The following GAS7 variants were observed in gnomAD, a reference collection of about 807,000 sequenced individuals.
GAS7 encodes growth arrest specific 7.
Under a neutral mutation model 71.1 loss-of-function variants are expected in GAS7, and 28 were observed. The observed-to-expected ratio is 0.39, with a 90% CI of 0.29 to 0.54. GAS7 has a LOEUF of 0.54. GAS7 is among the 20% of genes least tolerant of loss of function. The pLI, the probability that GAS7 is intolerant of heterozygous loss-of-function variation, is 0.62. For synonymous variants in GAS7, 258 were observed against 245.8 expected (o/e 1.05, Z -0.46); for missense variants, 436 against 627.8 (o/e 0.69, Z 3.27).
chr17:10,188,022 T>C (rs1368541895), intron 1 of GAS7, among the ~76,000 whole-genome samples: 1 of 152,132 alleles, frequency 6.6e-6, no homozygotes, highest in Non-Finnish European at 1.5e-5. Flanking sequence ...GGCAGGTGGA[T>C]CATTTGAGGT....
rs2073724995 is a variant in GAS7, at chr17:10,103,341, C to T, written c.184-83444G>A. On this transcript the variant is annotated intron_variant, in intron 1 of 13. Transcript: ENST00000432992. The surrounding 1 kb of genome is among the most constrained non-coding windows in gnomAD (Gnocchi z 5.5). ...ATCCAGTCTGGGTGATAGGTTAAGACCCTGTCTCAAACAAACCAACCAACC... is the reference window on the plus strand; with the variant it reads ...ATCCAGTCTGGGTGATAGGTTAAGATCCTGTCTCAAACAAACCAACCAACC... Among the ~76,000 whole-genome samples, 1 of 152,084 alleles carries T rather than the reference C, an allele frequency of 6.6e-6. No individual in the cohort carries two copies. Among genetic ancestry groups the T allele is most frequent in the African/African-American group, 2.4e-5 (1 of 41,414 alleles).
At chr17:10,035,734 G>A (rs2072733055) in intron 1 of GAS7, among the ~76,000 whole-genome samples, 1 of 152,168 alleles carries the variant, frequency 6.6e-6, no homozygotes, top group Non-Finnish European at 1.5e-5. Context: ...ACTTCTGGGG[G>A]TGGAAAGATT....
intron 1 of GAS7, among the ~76,000 whole-genome samples, chr17:10,054,310 T>C (rs550835399): frequency 1.3e-5 from 2 of 152,220 alleles, no homozygotes; most frequent in East Asian, 3.9e-4. Flanking sequence ...GCCTTAGCGC[T>C]GGTAACAGCA....
intron 1 of GAS7, among the ~76,000 whole-genome samples, chr17:10,107,842 T>C (rs1477263813): frequency 1.5e-5 from 2 of 137,386 alleles, no homozygotes; most frequent in African/African-American, 5.6e-5. Context: ...GGGGACTGGG[T>C]AGGAGAACCA....
rs573293239 is a variant in GAS7 at position 9,999,467 on chromosome 17, G to A, written c.305-17583C>T. Among the ~76,000 whole-genome samples, 36 of 151,976 alleles carry A rather than the reference G, an allele frequency of 2.4e-4. No homozygotes were observed. In the South Asian group the frequency reaches 7.1e-3, roughly 30 times the overall value. ...GGGGAGGCAGAGGTTGCAGTGAGCC[G>A]AGATTGTGCCACTGCACTCTACCCT... On this transcript the variant is annotated intron_variant, in intron 2 of 13. Transcript: ENST00000432992.
At chr17:9,984,750 T>C (rs1465860860) in intron 2 of GAS7, among the ~76,000 whole-genome samples, 1 of 152,192 alleles carries the variant, frequency 6.6e-6, no homozygotes, top group African/African-American at 2.4e-5. Context: ...GGTTCACCTG[T>C]ACAAAGCACT....
In GAS7 at chr17:10,114,999, G is replaced by A. The variant is rs375586933; in HGVS notation, c.183+83209C>T. Among the ~76,000 whole-genome samples, 167 of 152,312 alleles carry A rather than the reference G, an allele frequency of 1.1e-3. 5 individuals are homozygous for A. In the South Asian group the frequency reaches 0.017, roughly 16 times the overall value. Reference sequence around the variant, plus strand: ...CCAGCTGCAGACCAACAGGCTGGGGGTCATGCTCCAAGCTGTCCTCTGTCT... The same window carrying A: ...CCAGCTGCAGACCAACAGGCTGGGGATCATGCTCCAAGCTGTCCTCTGTCT... On this transcript the variant is annotated intron_variant, in intron 1 of 13. Coordinates refer to ENST00000432992, the MANE Select transcript of GAS7 (RefSeq NM_201433.2).
chr17:10,077,941 C>A (rs543272634), intron 1 of GAS7, among the ~76,000 whole-genome samples: 2 of 152,184 alleles, frequency 1.3e-5, no homozygotes, highest in South Asian at 4.2e-4. Context: ...TGAAGAGCAA[C>A]AGACCAGAAC....
intron 1 of GAS7, among the ~76,000 whole-genome samples, chr17:10,091,702 G>C (rs2073583740): frequency 6.6e-6 from 1 of 151,972 alleles, no homozygotes; most frequent in Admixed American, 6.6e-5. Context: ...TTGTTTTTGA[G>C]ACAGAGTCTA....
intron 2 of GAS7, among the ~76,000 whole-genome samples, chr17:10,011,417 A>G (rs1312543145): frequency 6.6e-6 from 1 of 152,168 alleles, no homozygotes; most frequent in Non-Finnish European, 1.5e-5. Context: ...AGGTGAGTAG[A>G]TAAAACATCT....
intron 5 of GAS7, among the ~76,000 whole-genome samples, chr17:9,955,312 A>G (rs2069186503): frequency 6.6e-6 from 1 of 152,184 alleles, no homozygotes; most frequent in African/African-American, 2.4e-5. Context: ...GGGTCCAGCT[A>G]CACCTCTGGA....
intron 8 of GAS7, among the ~76,000 whole-genome samples, chr17:9,937,703 T>A (rs1191286583): frequency 6.6e-6 from 1 of 152,206 alleles, no homozygotes; most frequent in African/African-American, 2.4e-5. Context: ...CTGAAGGATT[T>A]CAAGCCACGA....
chr17:10,058,823 GC>G (rs1216957978), intron 1 of GAS7, among the ~76,000 whole-genome samples: 1 of 152,224 alleles, frequency 6.6e-6, no homozygotes, highest in Non-Finnish European at 1.5e-5. Context: ...GGGAAATAGA[GC>G]CTCAGAAAAG....
chr17:9,913,888 C>T lies in GAS7; in HGVS notation c.*3340G>A, dbSNP rs983091089. 2 of 231,930 alleles carry T rather than the reference C, an allele frequency of 8.6e-6. No individual in the cohort carries two copies. Among genetic ancestry groups the T allele is most frequent in the African/African-American group, 2.2e-5 (1 of 45,202 alleles). The allele number at this position is 231,930 out of a possible 1,614,324, so 14.4% of individuals were successfully genotyped here. A position where few individuals can be genotyped will look rare whatever the true frequency, so the allele number is the denominator to read the frequency against. On this transcript the variant is annotated 3_prime_UTR_variant, in exon 14 of 14. Transcript: ENST00000432992. ...ACAAACAGATCTTGTGCATCAGTCT[C>T]CTGGGTGGAGGCAGGTAGAAGGGGC...
In GAS7 at chr17:10,026,084, G is replaced by A. The variant is rs962573773; in HGVS notation, c.184-6187C>T. ...CATGCTTCAAGCTCAAGTTCAACCC[G>A]GATGCCACCTCCACCTCCGGGACTC... On this transcript the variant is annotated intron_variant, in intron 1 of 13. Coordinates refer to ENST00000432992, the MANE Select transcript of GAS7 (RefSeq NM_201433.2). The surrounding 1 kb of genome is among the most constrained non-coding windows in gnomAD (Gnocchi z 4.5). 3.8e-5 allele frequency: 31 copies of A among 822,050 alleles called. No individual in the cohort carries two copies. The highest frequency in any genetic ancestry group is 5.6e-5 in the South Asian group (1 of 17,956). 50.9% of individuals were successfully genotyped at this position (822,050 alleles called of 1,614,324 possible). A position where few individuals can be genotyped will look rare whatever the true frequency, so the allele number is the denominator to read the frequency against.
Position 9,910,849 on chromosome 17 carries a change from GGAAGGATAT to G in GAS7, c.*6370_*6378del. ...TTACTGATCTAGGCAGCCAGAGGGT[GGAAGGATAT>G]ACAATGTGGAGGAAACACATTCATA... On this transcript the variant is annotated 3_prime_UTR_variant, in exon 14 of 14. Transcript: ENST00000432992. 4.4e-6 allele frequency: 1 copy of G among 229,004 alleles called. No individual in the cohort carries two copies. The highest frequency in any genetic ancestry group is 6.2e-5 in the East Asian group (1 of 16,040). The allele number at this position is 229,004 out of a possible 1,614,324, so 14.2% of individuals were successfully genotyped here.
intron 1 of GAS7, among the ~76,000 whole-genome samples, chr17:10,059,184 C>T (rs2152241531): frequency 1.3e-5 from 2 of 152,308 alleles, no homozygotes; most frequent in Middle Eastern, 3.4e-3. Flanking sequence ...CCTCTCTGAG[C>T]ATCTCCCTCA....
intron 1 of GAS7, among the ~76,000 whole-genome samples, chr17:10,082,182 A>C (rs2073464099): frequency 6.6e-6 from 1 of 152,246 alleles, no homozygotes; most frequent in Admixed American, 6.5e-5. Context: ...ACATTGCTAA[A>C]CAGTATTTTG....
chr17:10,159,912 A>G (rs1282850421), intron 1 of GAS7, among the ~76,000 whole-genome samples: 2 of 151,618 alleles, frequency 1.3e-5, no homozygotes, highest in African/African-American at 2.4e-5. Context: ...CAGTCTCCTG[A>G]GTAGCTGGGA....
Sources: allele counts gnomAD v4.1 joint callset (sites outside exome capture counted in the v4.1 genomes callset), GRCh38; gene constraint gnomAD v4.1.1; non-coding constraint Gnocchi (gnomAD v3.1); transcripts MANE v1.5; gene names NCBI Gene and HGNC (gene_info 2026-07-23, HGNC 2026-07-21).